The following PKD1 variants were observed in gnomAD, a reference collection of about 807,000 sequenced individuals.
PKD1 encodes polycystin-1.
In PKD1, 81 loss-of-function variants were observed where a neutral mutation model predicts 361.7. That is an observed-to-expected ratio of 0.22 (90% CI 0.19 to 0.27). PKD1 has a LOEUF of 0.27. Ranked by LOEUF, PKD1 falls within the 10% of genes least tolerant of loss-of-function variation. The pLI is 1.00. For missense variants in PKD1, 6,399 were observed against 6,118.3 expected (o/e 1.05, Z -1.53); for synonymous variants, 3,615 against 2,818.3 (o/e 1.28, Z -8.95).
intron 1 of PKD1, among the ~76,000 whole-genome samples, chr16:2,125,141 G>A (rs1474603086): frequency 6.6e-6 from 1 of 152,246 alleles, no homozygotes. Context: ...GGAGAGTGAG[G>A]CGGCTTCCAG....
chr16:2,092,634 A>G lies in PKD1; in HGVS notation c.11157-42T>C, dbSNP rs368366844. On this transcript the variant is annotated intron_variant, in intron 38 of 45. Transcript: ENST00000262304. The stretch of plus-strand genomic sequence containing the variant: ...CACACGCTCCAGCCCCTACTGCCCC[A>G]TGCCCGCCTCGAGTGAGCGGCCACC... 5.1e-5 allele frequency: 71 copies of G among 1,392,676 alleles called. No homozygotes were observed. In the African/African-American group the frequency reaches 5.2e-4, roughly 10 times the overall value. 86.3% of individuals were successfully genotyped at this position (1,392,676 alleles called of 1,614,324 possible).
At chr16:2,092,864 C>T (rs1166490945) in intron 38 of PKD1, 90 bp downstream of exon 38, 8 of 1,481,272 alleles carry the variant, frequency 5.4e-6, no homozygotes, top group Non-Finnish European at 7.5e-6. Context: ...ACAAAGGTAT[C>T]TACACATGTC....
chr16:2,107,386 T>C, intron 16 of PKD1: 1 of 365,144 alleles, frequency 2.7e-6, no homozygotes. Flanking sequence ...AGACGACCCC[T>C]CTGGGAAGAC....
In PKD1 at chr16:2,116,123, T is replaced by C. The variant is rs756727755; in HGVS notation, c.1723-5A>G. Reference sequence around the variant, plus strand: ...CAGGCCCGGGAATACCATGACCTGGTGGGCAGGGGGCCGCCTCAGCTCCAC... The same window carrying C: ...CAGGCCCGGGAATACCATGACCTGGCGGGCAGGGGGCCGCCTCAGCTCCAC... On this transcript the variant is annotated splice_region_variant and splice_polypyrimidine_tract_variant and intron_variant, in intron 8 of 45. Transcript: ENST00000262304. 6 of 1,560,372 alleles carry C rather than the reference T, an allele frequency of 3.8e-6. No individual in the cohort carries two copies. The South Asian group carries it at 6.9e-5, about 18-fold the overall frequency.
In PKD1 at chr16:2,102,876, C is replaced by T; in HGVS notation, c.8886G>A (p.Arg2962=). Residue 2962 remains arginine, a synonymous_variant, in exon 24 of 46, where the codon AGG becomes AGA. Coordinates refer to ENST00000262304, the MANE Select transcript of PKD1 (RefSeq NM_001009944.3). ...PNEHNCSASR[R]IRPESLQGAD... ...CACCCTGGAGTGACTCTGGGCGGAT[C>T]CTCCTGCTAGCCGAGCAGTTGTGCT... 6.2e-7 allele frequency: 1 copy of T among 1,610,234 alleles called. No individual in the cohort carries two copies. The highest frequency in any genetic ancestry group is 8.5e-7 in the Non-Finnish European group (1 of 1,179,772).
At chr16:2,098,116 T>C (rs1175769187) in intron 30 of PKD1, 132 bp from the exon 31 acceptor site, 5 of 649,900 alleles carry the variant, frequency 7.7e-6, no homozygotes, top group African/African-American at 7.1e-5. Context: ...GCTGGATATA[T>C]GGGACATCTG....
In PKD1 at chr16:2,104,181, A is replaced by T. The variant is rs1468022604; in HGVS notation, c.8162-286T>A. On this transcript the variant is annotated intron_variant, in intron 22 of 45. Coordinates refer to ENST00000262304, the MANE Select transcript of PKD1 (RefSeq NM_001009944.3). Reference sequence around the variant, plus strand: ...AAGGGAGAAGAAGAGGAGCAGGGGGAAAGGGAGGGGAAGGGGGATAAGGGA... The same window carrying T: ...AAGGGAGAAGAAGAGGAGCAGGGGGTAAGGGAGGGGAAGGGGGATAAGGGA... Among the ~76,000 whole-genome samples, 11 of 13,884 alleles carry T rather than the reference A, an allele frequency of 7.9e-4. 1 individual carries two copies. The highest frequency in any genetic ancestry group is 5.5e-3 in the African/African-American group (9 of 1,644). 9.1% of individuals were successfully genotyped at this position (13,884 alleles called of 152,430 possible).
rs541487635 is a variant in PKD1 at position 2,097,662 on chromosome 16, G to C, written c.10220+66C>G. On this transcript the variant is annotated intron_variant, in intron 32 of 45. Transcript: ENST00000262304. The stretch of plus-strand genomic sequence containing the variant: ...GACACCCAGCAAGGACACGCAGCCC[G>C]CACACCCCCGGCACCCCAGACACAG... The C allele has an allele frequency of 1.8e-5, 29 of 1,610,674 alleles. No individual in the cohort carries two copies. The Admixed American group carries it at 3.8e-4, about 21-fold the overall frequency.
chr16:2,089,032 G>A lies in PKD1; in HGVS notation c.*695C>T, dbSNP rs1204114312. The A allele has an allele frequency of 4.9e-6, 1 of 203,098 alleles. No individual in the cohort carries two copies. The highest frequency in any genetic ancestry group is 1.0e-5 in the Non-Finnish European group (1 of 98,698). The allele number at this position is 203,098 out of a possible 1,614,324, so 12.6% of individuals were successfully genotyped here. On this transcript the variant is annotated 3_prime_UTR_variant, in exon 46 of 46. Coordinates refer to ENST00000262304, the MANE Select transcript of PKD1 (RefSeq NM_001009944.3). ...CAGCAGGCCTGGGCGCTGCTCTCTT[G>A]CTACCTGGCCTGGGGCAAGGGAGGA...
chr16:2,101,446 G>A (rs1486432854), intron 26 of PKD1, among the ~76,000 whole-genome samples: 14 of 152,140 alleles, frequency 9.2e-5, no homozygotes, highest in Admixed American at 5.2e-4. Flanking sequence ...TCAGGAGTTC[G>A]CCTGGCTGAC....
rs545979764 is a variant in PKD1, at chr16:2,131,358, A to G, written c.215+4117T>C. 5.4e-3 allele frequency among the ~76,000 whole-genome samples: 826 copies of G among 151,782 alleles called. 18 individuals carry two copies. The highest frequency in any genetic ancestry group is 0.013 in the East Asian group (65 of 5,144). Reference sequence around the variant, plus strand: ...AACCCCGTCTCTACTAAAAATACAAAAAATTAGCTGGGCATGGTGGCGGGC... The same window carrying G: ...AACCCCGTCTCTACTAAAAATACAAGAAATTAGCTGGGCATGGTGGCGGGC... On this transcript the variant is annotated intron_variant, in intron 1 of 45. Coordinates refer to ENST00000262304, the MANE Select transcript of PKD1 (RefSeq NM_001009944.3).
At chr16:2,111,961 G>A (rs1388440813) in intron 14 of PKD1, 90 bp from the exon 15 acceptor site, 30 of 1,370,874 alleles carry the variant, frequency 2.2e-5, no homozygotes, top group Non-Finnish European at 2.9e-5. Flanking sequence ...GGAGCCCGGG[G>A]TGAACGGCTG....
In PKD1 at chr16:2,103,311, G is replaced by C; in HGVS notation, c.8746C>G (p.Pro2916Ala). Residue 2916 changes from proline to alanine, a missense_variant, in exon 23 of 46, where the codon CCT (proline) becomes GCT (alanine). Physicochemically the swap from Pro to Ala is conservative, Grantham distance 27. Coordinates refer to ENST00000262304, the MANE Select transcript of PKD1 (RefSeq NM_001009944.3). ...GAVVTLDSSN[P>A]AAGLHLQLNY... ...AGCTGCAGATGCAGCCCGGCCGCAG[G>C]GTTGCTGCTGTCCAGGGTGACCACA... 1 of 1,608,482 alleles carries C rather than the reference G, an allele frequency of 6.2e-7. No homozygotes were observed. The highest frequency in any genetic ancestry group is 1.1e-5 in the South Asian group (1 of 90,986).
At position 2,100,774 on chromosome 16, in the gene PKD1, A is replaced by G. The variant is rs2092064101; in HGVS notation, c.9398-208T>C. ...GACCTCAAGGACATGATTAAGTTACATGGAAAGAACTGTAACTTGTGACAT... is the reference window on the plus strand; with the variant it reads ...GACCTCAAGGACATGATTAAGTTACGTGGAAAGAACTGTAACTTGTGACAT... On this transcript the variant is annotated intron_variant, in intron 26 of 45. Transcript: ENST00000262304. This position sits in a 1 kb window ranked among gnomAD's most constrained non-coding sequence, Gnocchi z 4.4. The G allele has an allele frequency of 5.0e-6, 3 of 595,902 alleles. No individual in the cohort carries two copies. The highest frequency in any genetic ancestry group is 9.0e-6 in the Non-Finnish European group (3 of 333,054). The allele number at this position is 595,902 out of a possible 1,614,324, so 36.9% of individuals were successfully genotyped here.
intron 1 of PKD1, among the ~76,000 whole-genome samples, chr16:2,120,710 AC>A (rs1011366777): frequency 2.0e-5 from 3 of 152,164 alleles, no homozygotes; most frequent in East Asian, 1.9e-4. Context: ...TCGAAAGAAA[AC>A]AAAGAGAAAG....
Position 2,100,628 on chromosome 16 carries a change from G to A in PKD1, c.9398-62C>T. On this transcript the variant is annotated intron_variant, in intron 26 of 45. Transcript: ENST00000262304. This position sits in a 1 kb window ranked among gnomAD's most constrained non-coding sequence, Gnocchi z 4.4. The stretch of plus-strand genomic sequence containing the variant: ...GCTGCCCAACACGTGTGGCATCCCA[G>A]GCAAGTCATCTCAGCTTTGGCCTGT... 11 of 1,434,796 alleles carry A rather than the reference G, an allele frequency of 7.7e-6. No individual in the cohort carries two copies. The highest frequency in any genetic ancestry group is 1.1e-5 in the Non-Finnish European group (11 of 1,030,750). The allele number at this position is 1,434,796 out of a possible 1,614,324, so 88.9% of individuals were successfully genotyped here.
intron 11 of PKD1, 164 bp downstream of exon 11, chr16:2,114,006 C>T: frequency 1.6e-6 from 1 of 640,382 alleles, no homozygotes; most frequent in Non-Finnish European, 2.7e-6. Context: ...ATTTAAAGCC[C>T]ACCAGGTAGC....
intron 14 of PKD1, among the ~76,000 whole-genome samples, chr16:2,112,118 G>C (rs2092527412): frequency 6.6e-6 from 1 of 152,230 alleles, no homozygotes; most frequent in Non-Finnish European, 1.5e-5. Flanking sequence ...CAAGAGCCAG[G>C]CCCGGGGAGG....
At chr16:2,128,368 A>C (rs887123689) in intron 1 of PKD1, among the ~76,000 whole-genome samples, 1 of 149,626 alleles carries the variant, frequency 6.7e-6, no homozygotes, top group Non-Finnish European at 1.5e-5. Flanking sequence ...GGCAGCACCC[A>C]AGCAGCTGCA....
Sources: allele counts gnomAD v4.1 joint callset (sites outside exome capture counted in the v4.1 genomes callset), GRCh38; gene constraint gnomAD v4.1.1; non-coding constraint Gnocchi (gnomAD v3.1); transcripts MANE v1.5; gene names NCBI Gene and HGNC (gene_info 2026-07-23, HGNC 2026-07-21).